Variants in ZNF48 observed in about 807,000 individuals in gnomAD.
ZNF48 encodes the protein zinc finger protein 48.
In ZNF48, 20 loss-of-function variants were observed where a neutral mutation model predicts 40.0. That is an observed-to-expected ratio of 0.50 (90% CI 0.35 to 0.73). The LOEUF (loss-of-function observed/expected upper bound fraction) is 0.73. Among genes scored for constraint, ZNF48 ranks in the 30% least tolerant of loss-of-function variants. ZNF48 has a pLI of 0.01. For missense variants in ZNF48, 726 were observed against 851.9 expected, an observed-to-expected ratio of 0.85 and a Z score of 1.84; for synonymous variants, 298 against 329.7, an observed-to-expected ratio of 0.90 and a Z score of 1.04.
chr16:30,389,572 C>CA (rs1250778121), intron 1 of ZNF48, among the ~76,000 whole-genome samples: 657 of 53,208 alleles, frequency 0.012, 2 homozygotes, highest in African/African-American at 0.034. Context: ...GACTCTGTCT[C>CA]AAAAAAAAAA....
Position 30,399,163 on chromosome 16 carries a change from A to T in ZNF48, c.*56A>T. 6.8e-7 allele frequency: 1 copy of T among 1,479,958 alleles called. No homozygotes were observed. The highest frequency in any genetic ancestry group is 9.0e-7 in the Non-Finnish European group (1 of 1,111,462). The allele number at this position is 1,479,958 out of a possible 1,614,324, so 91.7% of individuals were successfully genotyped here. ...ACCAAAGGGAGGGGCTCTGCCGCTT[A>T]GCAGAGAAGAAAGGGCCTGGGAGGT... On this transcript the variant is annotated 3_prime_UTR_variant, in exon 3 of 3. Transcript: ENST00000613509.
intron 1 of ZNF48, among the ~76,000 whole-genome samples, chr16:30,388,820 G>A (rs2049920254): frequency 6.6e-6 from 1 of 151,998 alleles, no homozygotes; most frequent in South Asian, 2.1e-4. Flanking sequence ...CTTGAACTCA[G>A]GATGCAGAGG....
At chr16:30,384,658 C>T (rs943973079) in intron 1 of ZNF48, among the ~76,000 whole-genome samples, 1 of 151,946 alleles carries the variant, frequency 6.6e-6, no homozygotes, top group Admixed American at 6.6e-5. Context: ...AGTCGGATCA[C>T]TTGAGGCCAG....
Position 30,398,401 on chromosome 16 carries a change from C to T in ZNF48, c.1151C>T (p.Pro384Leu), listed in dbSNP as rs763848640. The T allele has an allele frequency of 6.2e-7, 1 of 1,610,406 alleles. No individual in the cohort carries two copies. The highest frequency in any genetic ancestry group is 1.1e-5 in the South Asian group (1 of 90,874). The change falls in exon 3 of 3, where the codon CCC (proline) becomes CTC (leucine). Residue 384 changes from proline (P) to leucine (L), a missense_variant. By Grantham distance (98) the Pro-to-Leu change is moderately conservative. Around this residue, in one of 5 missense-constraint regions of ZNF48, gnomAD observed 378 missense variants for 449.1 expected, o/e 0.84. Coordinates refer to ENST00000613509, the MANE Select transcript of ZNF48 (RefSeq NM_001214909.2). This position sits in a 1 kb window ranked among gnomAD's most constrained non-coding sequence, Gnocchi z 6.6. The stretch of plus-strand genomic sequence containing the variant: ...CGCCACCGCCTCACTCACATGGAGC[C>T]CCAGGACTTCAGCTTCCCAGGCTAT... ...LLRHRLTHME[P>L]QDFSFPGYPL...
chr16:30,387,140 T>G, intron 1 of ZNF48, among the ~76,000 whole-genome samples: 1 of 150,498 alleles, frequency 6.6e-6, no homozygotes. Context: ...AGACAGGGTT[T>G]CACCGTGTTA....
chr16:30,381,427 G>C lies in ZNF48; in HGVS notation c.-16+3017G>C. The C allele has an allele frequency of 1.2e-6, 2 of 1,614,058 alleles. No homozygotes were observed. The highest frequency in any genetic ancestry group is 1.7e-6 in the Non-Finnish European group (2 of 1,180,032). ...CGGTTCAGGCCACTCTCATCCCTAA[G>C]GTACTGCTCAAATTGCTCCTCGATG... On this transcript the variant is annotated intron_variant, in intron 1 of 2. Transcript: ENST00000528032. The surrounding 1 kb of genome is among the most constrained non-coding windows in gnomAD (Gnocchi z 4.3).
chr16:30,395,971 G>A lies in ZNF48; in HGVS notation c.79+98G>A. On this transcript the variant is annotated intron_variant, in intron 2 of 2. Transcript: ENST00000613509. This position sits in a 1 kb window ranked among gnomAD's most constrained non-coding sequence, Gnocchi z 5.9. ...GCCGAGATCCTGGAAGATCGGACGT[G>A]AGCTGTGCCTCTGGGGAGATAGGGG... 1 of 1,281,588 alleles carries A rather than the reference G, an allele frequency of 7.8e-7. No homozygotes were observed. The highest frequency in any genetic ancestry group is 1.0e-6 in the Non-Finnish European group (1 of 969,758). The allele number at this position is 1,281,588 out of a possible 1,614,324, so 79.4% of individuals were successfully genotyped here.
chr16:30,399,842 T>A lies in ZNF48; in HGVS notation c.*735T>A, dbSNP rs1461260210. The A allele has an allele frequency of 6.6e-6, 1 of 152,242 alleles. No individual in the cohort carries two copies. The highest frequency in any genetic ancestry group is 1.5e-5 in the Non-Finnish European group (1 of 68,088). 9.4% of individuals were successfully genotyped at this position (152,242 alleles called of 1,614,324 possible). On this transcript the variant is annotated 3_prime_UTR_variant, in exon 3 of 3. Transcript: ENST00000613509. ...AGAGACAGAAGGTGCTCTCATGGTA[T>A]CCAGCCTGGATGCCAAGCCCAAGTC...
chr16:30,382,031 A>C lies in ZNF48; in HGVS notation c.-16+3621A>C. On this transcript the variant is annotated intron_variant, in intron 1 of 2. Transcript: ENST00000528032. The surrounding 1 kb of genome is among the most constrained non-coding windows in gnomAD (Gnocchi z 4.8). ...TCAACTACCTGAGTCCCCAGATGGA[A>C]AAGACTAGGGTGTAACCTGGGGACA... 3 of 1,596,206 alleles carry C rather than the reference A, an allele frequency of 1.9e-6. No homozygotes were observed. The highest frequency in any genetic ancestry group is 1.7e-6 in the Non-Finnish European group (2 of 1,168,512).
rs199676600 is a variant in ZNF48 at position 30,382,501 on chromosome 16, A to C, written c.-16+4091A>C. On this transcript the variant is annotated intron_variant, in intron 1 of 2. Transcript: ENST00000528032. This position sits in a 1 kb window ranked among gnomAD's most constrained non-coding sequence, Gnocchi z 4.8. ...ATGGGGGCTGGGGGCCGAGATGCCC[A>C]GGTTTCTGGGTGTAAGGACTCACCA... 2 of 1,597,832 alleles carry C rather than the reference A, an allele frequency of 1.3e-6. No homozygotes were observed. The highest frequency in any genetic ancestry group is 1.8e-5 in the Admixed American group (1 of 56,932).
rs1463550629 is a variant in ZNF48, at chr16:30,381,204, CGT to C, written c.-16+2797_-16+2798del. ...ATGACTGGGATGATGTTGACTTTCT[CGT>C]GTACTGCCCGGAGGAAGGCCACATC... On this transcript the variant is annotated intron_variant, in intron 1 of 2. Coordinates refer to the ZNF48 transcript ENST00000528032. The surrounding 1 kb of genome is among the most constrained non-coding windows in gnomAD (Gnocchi z 4.3). The C allele has an allele frequency of 4.3e-6, 7 of 1,613,888 alleles. No homozygotes were observed. In the African/African-American group the frequency reaches 8.0e-5, roughly 18 times the overall value.
Position 30,399,173 on chromosome 16 carries a change from A to G in ZNF48, c.*66A>G, listed in dbSNP as rs2050027901. Reference sequence around the variant, plus strand: ...GGGGCTCTGCCGCTTAGCAGAGAAGAAAGGGCCTGGGAGGTGGTGGGAGGG... The same window carrying G: ...GGGGCTCTGCCGCTTAGCAGAGAAGGAAGGGCCTGGGAGGTGGTGGGAGGG... On this transcript the variant is annotated 3_prime_UTR_variant, in exon 3 of 3. Transcript: ENST00000613509. 1 of 1,452,456 alleles carries G rather than the reference A, an allele frequency of 6.9e-7. No homozygotes were observed. Among genetic ancestry groups the G allele is most frequent in the Non-Finnish European group, 9.2e-7 (1 of 1,089,508 alleles). The allele number at this position is 1,452,456 out of a possible 1,614,324, so 90.0% of individuals were successfully genotyped here.
Position 30,399,068 on chromosome 16 carries a change from A to G in ZNF48, c.1818A>G (p.Ala606=), listed in dbSNP as rs1361269673. The part of the protein sequence containing the change: ...LTPFGIGDGR[A]RPLKQEAATG... ...CCTTTGGGATAGGGGATGGTAGGGC[A>G]AGGCCCCTCAAGCAGGAGGCAGCAA... Residue 606 remains alanine (A), a synonymous_variant, in exon 3 of 3, where the codon GCA becomes GCG. Transcript: ENST00000613509. The G allele has an allele frequency of 1.9e-6, 3 of 1,604,174 alleles. No individual in the cohort carries two copies. In the African/African-American group the frequency reaches 4.0e-5, roughly 21 times the overall value.
At chr16:30,379,006 C>T (rs1347188076) in intron 1 of ZNF48, 9 of 1,611,394 alleles carry the variant, frequency 5.6e-6, no homozygotes, top group African/African-American at 1.3e-5. Context: ...TACTGTCCGC[C>T]CCGGGTCTCA....
upstream of ZNF48, among the ~76,000 whole-genome samples, chr16:30,391,513 TTAAA>T (rs1002477474): frequency 3.0e-4 from 46 of 151,520 alleles, no homozygotes; most frequent in Middle Eastern, 6.8e-3. Context: ...TTTTTTTTTT[TTAAA>T]CAGAGTTTTG....
rs1366942258 is a variant in ZNF48 at position 30,395,510 on chromosome 16, C to G, written c.-84C>G. On this transcript the variant is annotated 5_prime_UTR_variant, in exon 1 of 3. Coordinates refer to ENST00000613509, the MANE Select transcript of ZNF48 (RefSeq NM_001214909.2). This position sits in a 1 kb window ranked among gnomAD's most constrained non-coding sequence, Gnocchi z 5.9. ...CTGCATCCCGGAGCCGCTGGCGGCT[C>G]GGGCGCCTGCACCCCGCTGAGGAGC... The G allele has an allele frequency of 3.2e-6, 1 of 311,038 alleles. No homozygotes were observed. Among genetic ancestry groups the G allele is most frequent in the South Asian group, 2.5e-5 (1 of 40,188 alleles). The allele number at this position is 311,038 out of a possible 1,614,324, so 19.3% of individuals were successfully genotyped here. A position where few individuals can be genotyped will look rare whatever the true frequency, so the allele number is the denominator to read the frequency against.
rs2050026763 is a variant in ZNF48 at position 30,399,100 on chromosome 16, T to G, written c.1850T>G (p.Leu617Arg). The G allele has an allele frequency of 6.3e-7, 1 of 1,583,880 alleles. No homozygotes were observed. The highest frequency in any genetic ancestry group is 8.6e-7 in the Non-Finnish European group (1 of 1,164,722). ...RPLKQEAATG[L>R]E ...CTCAAGCAGGAGGCAGCAACAGGAC[T>G]GGAATGACGCGGTCCAGGGAGGGCG... The change falls in exon 3 of 3, where the codon CTG becomes CGG. Residue 617 changes from leucine (L) to arginine (R), a missense_variant. Leu to Arg is a moderately radical substitution (Grantham distance 102). Around this residue, in one of 5 missense-constraint regions of ZNF48, gnomAD observed 166 missense variants for 163.6 expected, o/e 1.01. Transcript: ENST00000613509.
chr16:30,380,216 T>A, intron 1 of ZNF48: 1 of 415,446 alleles, frequency 2.4e-6, no homozygotes, highest in Non-Finnish European at 4.3e-6. Flanking sequence ...ACATAGATGG[T>A]GAGAAACACA....
At chr16:30,379,841 A>T in intron 1 of ZNF48, 1 of 742,976 alleles carries the variant, frequency 1.3e-6, no homozygotes, top group Non-Finnish European at 2.3e-6. Context: ...TCCTGACCTC[A>T]GGGGATCCTC....
Sources: allele counts gnomAD v4.1 joint callset (sites outside exome capture counted in the v4.1 genomes callset), GRCh38; gene constraint gnomAD v4.1.1; regional missense constraint gnomAD v4.1.1; non-coding constraint Gnocchi (gnomAD v3.1); transcripts MANE v1.5; gene names NCBI Gene and HGNC (gene_info 2026-07-23, HGNC 2026-07-21).